SPAG16: variants seen among roughly 807,000 people sequenced by gnomAD.
The protein encoded by SPAG16 is sperm associated antigen 16.
Under a neutral mutation model 80.4 loss-of-function variants are expected in SPAG16, and 86 were observed. That is an observed-to-expected ratio of 1.07 (90% CI 0.90 to 1.28). SPAG16 has a LOEUF of 1.28. Among genes scored for constraint, SPAG16 ranks in the 50% most tolerant of loss-of-function variants. The pLI, the probability that SPAG16 is intolerant of heterozygous loss-of-function variation, is 0.00. For synonymous variants in SPAG16, 294 were observed against 265.9 expected (o/e 1.11, Z -1.03); for missense variants, 870 against 765.3 (o/e 1.14, Z -1.61).
At chr2:213,994,613 A>T (rs1223188243) in intron 12 of SPAG16, among the ~76,000 whole-genome samples, 2 of 151,094 alleles carry the variant, frequency 1.3e-5, no homozygotes, top group Non-Finnish European at 2.9e-5. Context: ...AGGGGAAAAT[A>T]ATTACTATTA....
At chr2:213,292,674 AACAAAAAAAAC>A (rs1191804012) in intron 1 of SPAG16, among the ~76,000 whole-genome samples, 4 of 132,530 alleles carry the variant, frequency 3.0e-5, no homozygotes, top group African/African-American at 1.1e-4. Context: ...AAAAAAAAAA[AACAAAAAAAAC>A]AAAAAAAAAC....
intron 9 of SPAG16, among the ~76,000 whole-genome samples, chr2:213,441,172 TAAAAC>T (rs1364812174): frequency 3.9e-5 from 6 of 152,092 alleles, no homozygotes; most frequent in African/African-American, 1.2e-4. Flanking sequence ...GTAGCAAAAA[TAAAAC>T]AAAACTAAGC....
intron 10 of SPAG16, among the ~76,000 whole-genome samples, chr2:213,709,037 C>A (rs1459873773): frequency 6.6e-6 from 1 of 152,140 alleles, no homozygotes; most frequent in Non-Finnish European, 1.5e-5. Flanking sequence ...CATTTATTCT[C>A]TGACTGCCCT....
At chr2:214,121,654 TG>T (rs1251232622) in intron 14 of SPAG16, among the ~76,000 whole-genome samples, 1 of 151,830 alleles carries the variant, frequency 6.6e-6, no homozygotes, top group Non-Finnish European at 1.5e-5. Context: ...TACTAAAGTC[TG>T]AACATCTCTA....
At chr2:214,059,773 A>G (rs1191079215) in intron 13 of SPAG16, among the ~76,000 whole-genome samples, 1 of 151,138 alleles carries the variant, frequency 6.6e-6, no homozygotes, top group East Asian at 1.9e-4. Context: ...TATTTTCATT[A>G]TATGTGCCCC....
chr2:213,704,058 T>A (rs1360813145), intron 10 of SPAG16, among the ~76,000 whole-genome samples: 2 of 152,224 alleles, frequency 1.3e-5, no homozygotes, highest in Non-Finnish European at 2.9e-5. Context: ...CCCTTGTTCT[T>A]CTGGCTGTTC....
At chr2:213,659,324 A>G (rs1445069789) in intron 10 of SPAG16, among the ~76,000 whole-genome samples, 5 of 150,688 alleles carry the variant, frequency 3.3e-5, no homozygotes, top group Non-Finnish European at 7.4e-5. Context: ...GGTAGGGGCC[A>G]ATCATCTTAA....
chr2:213,731,305 C>T (rs544159701), intron 10 of SPAG16, among the ~76,000 whole-genome samples: 7 of 151,674 alleles, frequency 4.6e-5, no homozygotes, highest in South Asian at 2.1e-4. Flanking sequence ...TACAGGCACC[C>T]ACTAACATGC....
intron 11 of SPAG16, among the ~76,000 whole-genome samples, chr2:213,913,787 G>A (rs1190224296): frequency 6.6e-6 from 1 of 152,050 alleles, no homozygotes; most frequent in African/African-American, 2.4e-5. Flanking sequence ...CATGATTGTG[G>A]GGACTGTTAA....
chr2:213,961,060 T>A (rs1000745708), intron 12 of SPAG16, among the ~76,000 whole-genome samples: 2 of 152,190 alleles, frequency 1.3e-5, no homozygotes, highest in African/African-American at 4.8e-5. Context: ...TACTATTATG[T>A]TAAGAGCCGA....
chr2:213,746,643 C>T (rs2067837282), intron 10 of SPAG16, among the ~76,000 whole-genome samples: 1 of 152,088 alleles, frequency 6.6e-6, no homozygotes, highest in South Asian at 2.1e-4. Context: ...CCTGTCTCTA[C>T]CAAAAATACA....
chr2:213,659,117 G>A (rs556788895), intron 10 of SPAG16, among the ~76,000 whole-genome samples: 8 of 152,056 alleles, frequency 5.3e-5, no homozygotes, highest in Non-Finnish European at 7.4e-5. Context: ...GTGCATTATT[G>A]TGTATTCTTC....
intron 9 of SPAG16, among the ~76,000 whole-genome samples, chr2:213,457,641 T>A (rs1048237878): frequency 1.3e-5 from 2 of 152,166 alleles, no homozygotes; most frequent in Non-Finnish European, 2.9e-5. Context: ...CAGACCAGAT[T>A]TATTTTTGGT....
chr2:214,283,928 G>A (rs185701567), intron 15 of SPAG16, among the ~76,000 whole-genome samples: 270 of 152,204 alleles, frequency 1.8e-3, no homozygotes, highest in Non-Finnish European at 2.4e-3. Flanking sequence ...AATAAAGGGG[G>A]CAATAAAATC....
chr2:213,605,298 G>A (rs143524193), intron 10 of SPAG16, among the ~76,000 whole-genome samples: 7 of 142,804 alleles, frequency 4.9e-5, no homozygotes, highest in East Asian at 2.1e-4. Flanking sequence ...ATGGAGTCTC[G>A]CACTGTCACC....
At chr2:214,004,321 G>A (rs1025482196) in intron 12 of SPAG16, among the ~76,000 whole-genome samples, 2 of 152,118 alleles carry the variant, frequency 1.3e-5, no homozygotes, top group African/African-American at 4.8e-5. Context: ...AGGGTGAGCA[G>A]GGACTCAGTA....
rs564556160 is a variant in SPAG16, at chr2:213,667,973, G to A, written c.1070+177883G>A. Among the ~76,000 whole-genome samples the A allele has an allele frequency of 6.4e-5, 9 of 140,816 alleles. 2 individuals carry two copies. The South Asian group carries it at 1.9e-3, about 29-fold the overall frequency. 92.4% of individuals were successfully genotyped at this position (140,816 alleles called of 152,430 possible). A position where few individuals can be genotyped will look rare whatever the true frequency, so the allele number is the denominator to read the frequency against. On this transcript the variant is annotated intron_variant, in intron 10 of 15. Transcript: ENST00000331683. Reference sequence around the variant, plus strand: ...TTTATTTATTTATTTTTGAGACAAAGTCTCATTCTGTTGCCCAGGCTGGAG... The same window carrying A: ...TTTATTTATTTATTTTTGAGACAAAATCTCATTCTGTTGCCCAGGCTGGAG...
In SPAG16 at chr2:213,869,262, A is replaced by AAAAAATAAT. The variant is rs2075839214; in HGVS notation, c.1214+6637_1214+6638insAATAATAAA. ...GAGCTAAAGTCCATGTCAAAAAAAA[A>AAAAAATAAT]AAATATATATATATATATGTATATA... On this transcript the variant is annotated intron_variant, in intron 11 of 15. Coordinates refer to ENST00000331683, the MANE Select transcript of SPAG16 (RefSeq NM_024532.5). Among the ~76,000 whole-genome samples the AAAAAATAAT allele has an allele frequency of 2.4e-4, 3 of 12,350 alleles. No homozygotes were observed. The South Asian group carries it at 0.12, about 475-fold the overall frequency. 8.1% of individuals were successfully genotyped at this position (12,350 alleles called of 152,430 possible). A position where few individuals can be genotyped will look rare whatever the true frequency, so the allele number is the denominator to read the frequency against.
chr2:214,308,573 C>A (rs879334012), intron 15 of SPAG16, among the ~76,000 whole-genome samples: 2 of 152,132 alleles, frequency 1.3e-5, no homozygotes, highest in Non-Finnish European at 2.9e-5. Context: ...TTTTGTAGGG[C>A]AGGTCTGGTG....
Sources: gnomAD v4.1 joint callset for allele counts (sites outside exome capture counted in the v4.1 genomes callset) on GRCh38, gnomAD v4.1.1 for gene constraint, MANE v1.5 for transcripts, NCBI Gene and HGNC (gene_info 2026-07-23, HGNC 2026-07-21) for gene names.